The following MYO3A variants were observed in gnomAD, a reference collection of about 807,000 sequenced individuals.
MYO3A encodes myosin-IIIa.
A neutral mutation model predicts 192.7 loss-of-function variants in MYO3A; 180 were observed. The observed-to-expected ratio is 0.93, with a 90% CI of 0.83 to 1.06. The LOEUF (loss-of-function observed/expected upper bound fraction) is 1.06. Ranked by LOEUF, MYO3A falls within the 50% of genes least tolerant of loss-of-function variation. MYO3A has a pLI of 0.00. For synonymous variants in MYO3A, 628 were observed against 645.3 expected, an observed-to-expected ratio of 0.97 and a Z score of 0.41; for missense variants, 1,896 against 1,905.0, an observed-to-expected ratio of 1.00 and a Z score of 0.09.
intron 3 of MYO3A, among the ~76,000 whole-genome samples, chr10:25,954,252 A>G (rs1837393764): frequency 1.3e-5 from 2 of 152,090 alleles, no homozygotes; most frequent in South Asian, 2.1e-4. Context: ...TGCTGTATGA[A>G]TTGTTTCATA....
At chr10:25,980,836 A>G (rs1839285863) in intron 4 of MYO3A, among the ~76,000 whole-genome samples, 1 of 152,238 alleles carries the variant, frequency 6.6e-6, no homozygotes, top group Non-Finnish European at 1.5e-5. Flanking sequence ...AACTAAGCCA[A>G]GGATGATACA....
intron 6 of MYO3A, among the ~76,000 whole-genome samples, chr10:26,002,391 G>A (rs185495285): frequency 2.1e-3 from 320 of 152,292 alleles, no homozygotes; most frequent in South Asian, 4.8e-3. Flanking sequence ...AATGGTGAGC[G>A]CACACCTGCA....
chr10:26,211,356 C>T (rs148044019), intron 34 of MYO3A, among the ~76,000 whole-genome samples: 73 of 152,284 alleles, frequency 4.8e-4, no homozygotes, highest in African/African-American at 1.7e-3. Flanking sequence ...CAACAAGGCC[C>T]ATAGCTCTTG....
chr10:26,114,177 A>T (rs1028621838), intron 17 of MYO3A, among the ~76,000 whole-genome samples: 2 of 152,156 alleles, frequency 1.3e-5, no homozygotes, highest in Non-Finnish European at 2.9e-5. Context: ...ATTAGACTGG[A>T]TGGTGCCAGA....
intron 4 of MYO3A, among the ~76,000 whole-genome samples, chr10:25,972,689 G>A (rs1838730651): frequency 6.6e-6 from 1 of 152,156 alleles, no homozygotes; most frequent in Admixed American, 6.5e-5. Flanking sequence ...TCTTCAGCAA[G>A]CACAGCTTAG....
At position 26,182,853 on chromosome 10, in the gene MYO3A, A is replaced by T. The variant is rs546749700; in HGVS notation, c.4438+6008A>T. On this transcript the variant is annotated intron_variant, in intron 31 of 34. Coordinates refer to ENST00000642920, the MANE Select transcript of MYO3A (RefSeq NM_017433.5). ...CATAACAGCTCATTCTCCCCAACAA[A>T]GACCTCACTCTCAGGGCACCCTTGG... 2.6e-5 allele frequency among the ~76,000 whole-genome samples: 4 copies of T among 152,316 alleles called. No individual in the cohort carries two copies. The South Asian group carries it at 8.3e-4, about 32-fold the overall frequency.
intron 4 of MYO3A, among the ~76,000 whole-genome samples, chr10:25,963,701 C>T (rs1455935145): frequency 2.6e-5 from 4 of 152,218 alleles, no homozygotes; most frequent in African/African-American, 9.6e-5. Flanking sequence ...ACCACCATTC[C>T]CACCTCTCAT....
At chr10:26,179,677 T>C (rs1842522444) in intron 31 of MYO3A, among the ~76,000 whole-genome samples, 1 of 152,198 alleles carries the variant, frequency 6.6e-6, no homozygotes, top group Non-Finnish European at 1.5e-5. Context: ...GCAAACACAT[T>C]CAAACATTCA....
In MYO3A at chr10:26,157,780, G is replaced by A. The variant is rs76099570; in HGVS notation, c.2999+265G>A. On this transcript the variant is annotated intron_variant, in intron 26 of 34. Coordinates refer to ENST00000642920, the MANE Select transcript of MYO3A (RefSeq NM_017433.5). ...GAGGAGTTGGAGAATCTGGGTTCTC[G>A]CCCTAGCTCAGCCACTTGCTATGTG... Among the ~76,000 whole-genome samples the A allele has an allele frequency of 0.01, 1,542 of 152,228 alleles. 9 individuals are homozygous for A. Among genetic ancestry groups the A allele is most frequent in the Middle Eastern group, 0.034 (10 of 294 alleles).
At chr10:26,109,198 A>G (rs1838010460) in intron 17 of MYO3A, among the ~76,000 whole-genome samples, 1 of 152,250 alleles carries the variant, frequency 6.6e-6, no homozygotes, top group Non-Finnish European at 1.5e-5. Context: ...TTAAGAAATG[A>G]GAAATAAAAA....
chr10:25,942,716 A>G (rs1022650387), intron 2 of MYO3A, among the ~76,000 whole-genome samples: 1 of 151,228 alleles, frequency 6.6e-6, no homozygotes, highest in African/African-American at 2.4e-5. Flanking sequence ...ACATCATTTC[A>G]TATGCTCATT....
intron 31 of MYO3A, among the ~76,000 whole-genome samples, chr10:26,182,572 T>C (rs1457247867): frequency 1.3e-5 from 2 of 152,232 alleles, no homozygotes; most frequent in Admixed American, 1.3e-4. Context: ...AGAAAATGAC[T>C]ATGAACAGTC....
At chr10:26,164,859 G>A (rs898277859) in intron 26 of MYO3A, among the ~76,000 whole-genome samples, 3 of 152,324 alleles carry the variant, frequency 2.0e-5, no homozygotes, top group Middle Eastern at 3.4e-3. Flanking sequence ...AGGAAGGAAA[G>A]CCAAGAGTTG....
At chr10:26,010,462 T>TG (rs1240381647) in intron 6 of MYO3A, among the ~76,000 whole-genome samples, 230 of 136,894 alleles carry the variant, frequency 1.7e-3, no homozygotes, top group African/African-American at 7.4e-3. Context: ...TTTTTTTTTT[T>TG]TTTTTTTTTG....
chr10:26,040,681 T>C (rs1843294259), intron 10 of MYO3A, among the ~76,000 whole-genome samples: 1 of 152,132 alleles, frequency 6.6e-6, no homozygotes, highest in Non-Finnish European at 1.5e-5. Context: ...AAAGCGTTCA[T>C]TTCTATGTGT....
chr10:26,005,647 T>C (rs1841148929), intron 6 of MYO3A, among the ~76,000 whole-genome samples: 1 of 152,200 alleles, frequency 6.6e-6, no homozygotes, highest in African/African-American at 2.4e-5. Flanking sequence ...TTTGTAGTTT[T>C]CTTGCCAACT....
chr10:26,036,109 G>T (rs1843022756), intron 10 of MYO3A, among the ~76,000 whole-genome samples: 1 of 151,740 alleles, frequency 6.6e-6, no homozygotes, highest in African/African-American at 2.4e-5. Flanking sequence ...AATTTTTTTT[G>T]TATTTTTTTT....
rs373919476 is a variant in MYO3A at position 26,169,592 on chromosome 10, T to C, written c.3274+718T>C. Among the ~76,000 whole-genome samples the C allele has an allele frequency of 3.3e-5, 5 of 152,332 alleles. No individual in the cohort carries two copies. The East Asian group carries it at 9.6e-4, about 29-fold the overall frequency. On this transcript the variant is annotated intron_variant, in intron 28 of 34. Transcript: ENST00000642920. ...TTGGCCTACTACATCAATTTTATGA[T>C]CCACTAATGGTTTGCAGCCTGCATT...
At chr10:26,141,790 T>C (rs1170030186) in intron 20 of MYO3A, among the ~76,000 whole-genome samples, 2 of 152,218 alleles carry the variant, frequency 1.3e-5, no homozygotes, top group East Asian at 3.8e-4. Flanking sequence ...GCCTTTCAGG[T>C]TCTCCACCTT....
Sources: allele counts gnomAD v4.1 joint callset (sites outside exome capture counted in the v4.1 genomes callset), GRCh38; gene constraint gnomAD v4.1.1; transcripts MANE v1.5; gene names NCBI Gene and HGNC (gene_info 2026-07-23, HGNC 2026-07-21).